The following GAP43 variants were observed in gnomAD, a reference collection of about 807,000 sequenced individuals.
GAP43 encodes neuromodulin.
A neutral mutation model predicts 18.6 loss-of-function variants in GAP43; 6 were observed. The ratio of observed to expected loss-of-function variants is 0.32; its 90% CI spans 0.18 to 0.64. The LOEUF (loss-of-function observed/expected upper bound fraction) is 0.64. Among genes scored for constraint, GAP43 ranks in the 30% least tolerant of loss-of-function variants. The pLI is 0.78. For missense variants in GAP43, 292 were observed against 295.5 expected, an observed-to-expected ratio of 0.99 and a Z score of 0.09; for synonymous variants, 115 against 111.4, an observed-to-expected ratio of 1.03 and a Z score of -0.20.
chr3:115,638,408 T>A (rs1268801019), intron 1 of GAP43, among the ~76,000 whole-genome samples: 1 of 152,062 alleles, frequency 6.6e-6, no homozygotes, highest in East Asian at 1.9e-4. Context: ...TTCAAGGCCT[T>A]TGCATGTGTT....
chr3:115,702,685 C>T (rs936533892), intron 2 of GAP43, among the ~76,000 whole-genome samples: 2 of 151,956 alleles, frequency 1.3e-5, no homozygotes, highest in African/African-American at 2.4e-5. Flanking sequence ...TGTTGTTTTG[C>T]AATCAGGGGA....
rs1013650774 is a variant in GAP43 at position 115,644,184 on chromosome 3, G to A, written c.30+20465G>A. 6.6e-6 allele frequency among the ~76,000 whole-genome samples: 1 copy of A among 151,916 alleles called. No homozygotes were observed. Among genetic ancestry groups the A allele is most frequent in the Non-Finnish European group, 1.5e-5 (1 of 67,944 alleles). ...ATATTTTAATTGTTTAAATATTTGG[G>A]GAGGATTGTCCTGCTGTGGTAAATT... On this transcript the variant is annotated intron_variant, in intron 1 of 2. Transcript: ENST00000305124. This position sits in a 1 kb window ranked among gnomAD's most constrained non-coding sequence, Gnocchi z 4.2.
intron 1 of GAP43, among the ~76,000 whole-genome samples, chr3:115,634,841 A>G (rs1456208825): frequency 6.6e-6 from 1 of 152,152 alleles, no homozygotes; most frequent in Non-Finnish European, 1.5e-5. Context: ...AGTTAGATTT[A>G]TTTGTCCATG....
chr3:115,639,600 T>C (rs572969735), intron 1 of GAP43, among the ~76,000 whole-genome samples: 195 of 152,246 alleles, frequency 1.3e-3, no homozygotes, highest in Middle Eastern at 6.8e-3. Context: ...CAATAACGCT[T>C]AGTTGTTGCT....
At chr3:115,703,218 A>G (rs72943783) in intron 2 of GAP43, among the ~76,000 whole-genome samples, 5,882 of 152,198 alleles carry the variant, frequency 0.039, 351 homozygotes, top group African/African-American at 0.13. Context: ...CAGAGAAATA[A>G]GGAAGGTGAG....
At chr3:115,705,464 T>C (rs760975462) in intron 2 of GAP43, among the ~76,000 whole-genome samples, 3 of 152,196 alleles carry the variant, frequency 2.0e-5, no homozygotes, top group Non-Finnish European at 4.4e-5. Context: ...TTTAAAATCA[T>C]TTATTGAATT....
At chr3:115,655,443 A>C (rs917058344) in intron 1 of GAP43, among the ~76,000 whole-genome samples, 3 of 152,238 alleles carry the variant, frequency 2.0e-5, no homozygotes, top group Non-Finnish European at 1.5e-5. Context: ...AAAACACAAC[A>C]CTAAGGTCAG....
chr3:115,628,718 G>A (rs1322738235), intron 1 of GAP43, among the ~76,000 whole-genome samples: 1 of 151,926 alleles, frequency 6.6e-6, no homozygotes, highest in Non-Finnish European at 1.5e-5. Flanking sequence ...GGCTTCTCTT[G>A]CTCTCTTCAC....
At chr3:115,688,006 A>ATTAT (rs59423282) in intron 2 of GAP43, among the ~76,000 whole-genome samples, 69,139 of 149,746 alleles carry the variant, frequency 0.46, 16,055 homozygotes, top group African/African-American at 0.53. Flanking sequence ...AAATTTTTTT[A>ATTAT]TTATTTATTT....
At chr3:115,686,077 C>G (rs549552862) in intron 2 of GAP43, among the ~76,000 whole-genome samples, 4 of 152,298 alleles carry the variant, frequency 2.6e-5, no homozygotes, top group Non-Finnish European at 5.9e-5. Flanking sequence ...TGATTTCAGG[C>G]TACCAATGTG....
intron 2 of GAP43, among the ~76,000 whole-genome samples, chr3:115,683,130 C>CGG: frequency 9.3e-6 from 1 of 107,920 alleles, no homozygotes; most frequent in Non-Finnish European, 2.0e-5. Flanking sequence ...CATGTGCGCG[C>CGG]GCGTGCGCGC....
chr3:115,671,838 A>G (rs1708818038), intron 1 of GAP43, among the ~76,000 whole-genome samples: 1 of 152,174 alleles, frequency 6.6e-6, no homozygotes, highest in South Asian at 2.1e-4. Flanking sequence ...CTTAACTCAC[A>G]GTTTTAGAGT....
At chr3:115,696,606 C>T (rs990704347) in intron 2 of GAP43, among the ~76,000 whole-genome samples, 13 of 127,436 alleles carry the variant, frequency 1.0e-4, no homozygotes, top group Non-Finnish European at 1.8e-4. Flanking sequence ...CAGGTATGCT[C>T]ATATGCAGGG....
chr3:115,661,160 C>A (rs1223932801), intron 1 of GAP43: 1 of 152,192 alleles, frequency 6.6e-6, no homozygotes, highest in African/African-American at 2.4e-5. Context: ...CAAGTGTCCT[C>A]CCAGCTGCAG....
chr3:115,695,863 C>G (rs1709181884), intron 2 of GAP43, among the ~76,000 whole-genome samples: 1 of 152,170 alleles, frequency 6.6e-6, no homozygotes. Flanking sequence ...CAGAGTTGAT[C>G]ACTTTCTACT....
At chr3:115,717,494 C>T (rs934001318) in intron 2 of GAP43, among the ~76,000 whole-genome samples, 32 of 151,694 alleles carry the variant, frequency 2.1e-4, no homozygotes, top group South Asian at 6.3e-4. Context: ...TTTTTAGTAG[C>T]GACGGGGTTT....
chr3:115,712,080 A>G (rs1487557336), intron 2 of GAP43, among the ~76,000 whole-genome samples: 1 of 152,164 alleles, frequency 6.6e-6, no homozygotes, highest in Admixed American at 6.5e-5. Flanking sequence ...ATAATGTTTT[A>G]AGAAGTTTTC....
intron 2 of GAP43, among the ~76,000 whole-genome samples, chr3:115,697,994 T>TGC (rs1559804041): frequency 8.1e-6 from 1 of 122,834 alleles, no homozygotes; most frequent in Non-Finnish European, 1.6e-5. Flanking sequence ...CGTGTGTGTG[T>TGC]GTGTGTGTGT....
intron 1 of GAP43, among the ~76,000 whole-genome samples, chr3:115,653,974 T>C (rs1204099036): frequency 6.6e-6 from 1 of 152,146 alleles, no homozygotes; most frequent in Non-Finnish European, 1.5e-5. Context: ...AGAGGAAATA[T>C]TGGTCTCCAC....
Sources: gnomAD v4.1 joint callset for allele counts (sites outside exome capture counted in the v4.1 genomes callset) on GRCh38, gnomAD v4.1.1 for gene constraint, Gnocchi (gnomAD v3.1) non-coding constraint, MANE v1.5 for transcripts, NCBI Gene and HGNC (gene_info 2026-07-23, HGNC 2026-07-21) for gene names.